Variants in CFDP1 observed in about 807,000 individuals in gnomAD.
CFDP1 encodes the protein chromatin remodeling protein CFDP1, also known as heterochromatin-stabilizing protein CFDP1.
A neutral mutation model predicts 40.1 loss-of-function variants in CFDP1; 31 were observed. The observed-to-expected ratio is 0.77, with a 90% CI of 0.58 to 1.04. CFDP1 has a LOEUF of 1.04. Ranked by LOEUF, CFDP1 falls within the 50% of genes least tolerant of loss-of-function variation. The pLI is 0.00. For synonymous variants in CFDP1, 167 were observed against 120.0 expected (o/e 1.39, Z -2.56); for missense variants, 423 against 343.4 (o/e 1.23, Z -1.83).
At chr16:75,397,255 CTGT>C (rs964409551) in intron 4 of CFDP1, among the ~76,000 whole-genome samples, 1 of 151,616 alleles carries the variant, frequency 6.6e-6, no homozygotes, top group African/African-American at 2.4e-5. Flanking sequence ...TGGCTCATGC[CTGT>C]AATCCCAGCA....
intron 1 of CFDP1, among the ~76,000 whole-genome samples, chr16:75,420,437 T>C (rs2079265023): frequency 6.6e-6 from 1 of 152,198 alleles, no homozygotes; most frequent in Non-Finnish European, 1.5e-5. Flanking sequence ...AACAACGCCA[T>C]GAGGGAATAA....
chr16:75,322,893 C>T (rs1293954260), intron 5 of CFDP1, among the ~76,000 whole-genome samples: 1 of 152,016 alleles, frequency 6.6e-6, no homozygotes, highest in African/African-American at 2.4e-5. Context: ...TGGTGGAACC[C>T]GCAGGACTGG....
chr16:75,397,782 G>A (rs2079009497), intron 4 of CFDP1, among the ~76,000 whole-genome samples: 1 of 151,994 alleles, frequency 6.6e-6, no homozygotes, highest in Non-Finnish European at 1.5e-5. Context: ...CTCCAGCCTG[G>A]GCGACAGCGA....
intron 5 of CFDP1, among the ~76,000 whole-genome samples, chr16:75,390,366 G>A (rs1209027771): frequency 6.6e-6 from 1 of 152,222 alleles, no homozygotes; most frequent in Non-Finnish European, 1.5e-5. Context: ...GCGCAGTTTT[G>A]GAAAGAATTC....
chr16:75,372,917 A>C (rs925535988), intron 5 of CFDP1, among the ~76,000 whole-genome samples: 1 of 152,244 alleles, frequency 6.6e-6, no homozygotes, highest in African/African-American at 2.4e-5. Flanking sequence ...CTAAAGGCAA[A>C]CTGCTAACTG....
chr16:75,297,876 C>T (rs2078195049), intron 6 of CFDP1, among the ~76,000 whole-genome samples: 2 of 152,116 alleles, frequency 1.3e-5, no homozygotes. Context: ...GAAATGGAAG[C>T]AGAGGACAAG....
intron 5 of CFDP1, among the ~76,000 whole-genome samples, chr16:75,357,230 T>C (rs1328386126): frequency 6.6e-6 from 1 of 151,914 alleles, no homozygotes; most frequent in Non-Finnish European, 1.5e-5. Context: ...AGCTTCTTTC[T>C]TTTTTAAAAT....
chr16:75,431,324 G>A (rs962022370), intron 1 of CFDP1, among the ~76,000 whole-genome samples: 2 of 151,660 alleles, frequency 1.3e-5, no homozygotes, highest in African/African-American at 4.8e-5. Flanking sequence ...TGTGCTGGCG[G>A]GGACCTGTAG....
intron 5 of CFDP1, among the ~76,000 whole-genome samples, chr16:75,327,058 CAGG>C (rs2078407062): frequency 6.6e-6 from 1 of 152,124 alleles, no homozygotes; most frequent in South Asian, 2.1e-4. Context: ...ATCATGAGGT[CAGG>C]AGATCGAGAC....
At chr16:75,410,352 G>A (rs1196102631) in intron 4 of CFDP1, among the ~76,000 whole-genome samples, 1 of 152,108 alleles carries the variant, frequency 6.6e-6, no homozygotes, top group Non-Finnish European at 1.5e-5. Flanking sequence ...AATGGGGGAA[G>A]GGAAATTACA....
chr16:75,366,118 T>C (rs1344443707), intron 5 of CFDP1, among the ~76,000 whole-genome samples: 1 of 152,084 alleles, frequency 6.6e-6, no homozygotes, highest in Admixed American at 6.5e-5. Flanking sequence ...AGCCAAAAAG[T>C]AAAAACAACA....
rs62059810 is a variant in CFDP1 at position 75,358,973 on chromosome 16, C to T, written c.650+36117G>A. On this transcript the variant is annotated intron_variant, in intron 5 of 6. Transcript: ENST00000283882. ...ATGATTAATGCATGCTGTTACATCA[C>T]TGTTCACATTTGGCGTAGTATCACA... is the stretch of plus-strand genomic sequence containing the variant. Among the ~76,000 whole-genome samples, 178 of 152,334 alleles carry T rather than the reference C, an allele frequency of 1.2e-3. 1 individual carries two copies. Among genetic ancestry groups the T allele is most frequent in the African/African-American group, 4.0e-3 (167 of 41,576 alleles).
chr16:75,297,709 C>T (rs2078194056), intron 6 of CFDP1, among the ~76,000 whole-genome samples: 2 of 152,176 alleles, frequency 1.3e-5, no homozygotes, highest in Non-Finnish European at 1.5e-5. Context: ...TCTTCACTTT[C>T]TTTAATAAAA....
intron 5 of CFDP1, among the ~76,000 whole-genome samples, chr16:75,385,991 G>C (rs965553958): frequency 6.6e-6 from 1 of 152,050 alleles, no homozygotes; most frequent in Non-Finnish European, 1.5e-5. Context: ...TTTCACACCA[G>C]GACAATTTGG....
At chr16:75,296,898 T>C (rs1179717344) in intron 6 of CFDP1, among the ~76,000 whole-genome samples, 1 of 152,204 alleles carries the variant, frequency 6.6e-6, no homozygotes. Flanking sequence ...CTACTTGATA[T>C]GGACTCTCCC....
In CFDP1 at chr16:75,300,203, G is replaced by A. The variant is rs1233175765; in HGVS notation, c.809+4821C>T. The stretch of plus-strand genomic sequence containing the variant: ...TGGTGGTAGTGGGGCTGCGTGAATA[G>A]AAATAAGCTGAAGTATTTTGTGATG... On this transcript the variant is annotated intron_variant, in intron 6 of 6. Transcript: ENST00000283882. Among the ~76,000 whole-genome samples the A allele has an allele frequency of 5.9e-5, 9 of 152,198 alleles. No homozygotes were observed. In the East Asian group the frequency reaches 1.7e-3, roughly 29 times the overall value.
intron 1 of CFDP1, among the ~76,000 whole-genome samples, chr16:75,426,710 T>C (rs911199296): frequency 6.6e-5 from 10 of 151,952 alleles, no homozygotes; most frequent in Non-Finnish European, 1.0e-4. Context: ...GTGCAAACAC[T>C]ATTAAGAGAA....
At chr16:75,374,244 T>C (rs1011927774) in intron 5 of CFDP1, among the ~76,000 whole-genome samples, 2 of 151,604 alleles carry the variant, frequency 1.3e-5, no homozygotes, top group African/African-American at 4.8e-5. Flanking sequence ...CAAAATAAAA[T>C]AAAATAAAAT....
intron 5 of CFDP1, among the ~76,000 whole-genome samples, chr16:75,368,095 C>T (rs1049681308): frequency 2.6e-5 from 4 of 152,106 alleles, no homozygotes; most frequent in Non-Finnish European, 4.4e-5. Context: ...GACTCCATCT[C>T]AAACAAATAA....
Sources: gnomAD v4.1 joint callset for allele counts (sites outside exome capture counted in the v4.1 genomes callset) on GRCh38, gnomAD v4.1.1 for gene constraint, MANE v1.5 for transcripts, NCBI Gene and HGNC (gene_info 2026-07-23, HGNC 2026-07-21) for gene names.